PTPRD: variants seen among roughly 807,000 people sequenced by gnomAD.
The protein encoded by PTPRD is protein tyrosine phosphatase receptor type D.
PTPRD carries 34 observed loss-of-function variants against 214.5 expected under a neutral mutation model. The observed-to-expected ratio is 0.16, with a 90% CI of 0.12 to 0.21. PTPRD has a LOEUF of 0.21. PTPRD is among the 10% of genes least tolerant of loss of function. The pLI, the probability that PTPRD is intolerant of heterozygous loss-of-function variation, is 1.00. For missense variants in PTPRD, 2,545 were observed against 2,398.7 expected, an observed-to-expected ratio of 1.06 and a Z score of -1.27; for synonymous variants, 1,128 against 845.7, an observed-to-expected ratio of 1.33 and a Z score of -5.79.
At chr9:8,766,832 G>A (rs375636053) in intron 11 of PTPRD, among the ~76,000 whole-genome samples, 114 of 152,188 alleles carry the variant, frequency 7.5e-4, no homozygotes, top group African/African-American at 2.3e-3. Flanking sequence ...TAGAAGTTTC[G>A]TGATGTGTTT....
At chr9:10,216,794 G>T (rs950373944) in intron 3 of PTPRD, among the ~76,000 whole-genome samples, 1 of 151,998 alleles carries the variant, frequency 6.6e-6, no homozygotes, top group African/African-American at 2.4e-5. Flanking sequence ...TGACATGCAA[G>T]TGCAACACTT....
At position 9,317,662 on chromosome 9, in the gene PTPRD, T is replaced by C. The variant is rs148911764; in HGVS notation, c.-203+79787A>G. Among the ~76,000 whole-genome samples the C allele has an allele frequency of 5.0e-3, 769 of 152,280 alleles. 4 individuals are homozygous for C. Among genetic ancestry groups the C allele is most frequent in the African/African-American group, 0.018 (732 of 41,570 alleles). On this transcript the variant is annotated intron_variant, in intron 9 of 45. Coordinates refer to ENST00000381196, the MANE Select transcript of PTPRD (RefSeq NM_002839.4). ...CTGATGTTATATTTTGAAAAAAATT[T>C]CAGTTTTGATTGTTATTCCATGTTC...
At chr9:8,634,252 AGAT>A (rs958533703) in intron 13 of PTPRD, among the ~76,000 whole-genome samples, 8 of 151,704 alleles carry the variant, frequency 5.3e-5, no homozygotes, top group African/African-American at 1.7e-4. Flanking sequence ...AAAAAAAAAA[AGAT>A]GATGATATTA....
chr9:8,537,751 G>C (rs891573860), intron 14 of PTPRD, among the ~76,000 whole-genome samples: 2 of 151,970 alleles, frequency 1.3e-5, no homozygotes, highest in African/African-American at 4.8e-5. Flanking sequence ...TGAGGAGTTT[G>C]CAAGGTACTC....
intron 7 of PTPRD, among the ~76,000 whole-genome samples, chr9:9,720,471 C>A (rs6477410): frequency 6.6e-6 from 1 of 151,770 alleles, no homozygotes; most frequent in Non-Finnish European, 1.5e-5. Flanking sequence ...GACATGAAGC[C>A]GAAAGTCAGA....
intron 11 of PTPRD, among the ~76,000 whole-genome samples, chr9:8,904,817 C>G (rs939056106): frequency 2.0e-5 from 3 of 152,132 alleles, no homozygotes; most frequent in Admixed American, 1.3e-4. Flanking sequence ...ATTGTACACT[C>G]ATAATGCATG....
intron 6 of PTPRD, among the ~76,000 whole-genome samples, chr9:9,744,855 T>A (rs1025278658): frequency 6.6e-5 from 10 of 152,044 alleles, no homozygotes; most frequent in African/African-American, 2.2e-4. Context: ...GCAATTTTAA[T>A]AATACCAACA....
rs2135634423 is a variant in PTPRD, at chr9:8,389,237, A to G, written c.4381T>C (p.Ser1461Pro). The G allele has an allele frequency of 6.2e-7, 1 of 1,608,424 alleles. No individual in the cohort carries two copies. Among genetic ancestry groups the G allele is most frequent in the Admixed American group, 1.7e-5 (1 of 59,284 alleles). Residue 1461 changes from serine (S) to proline (P), a missense_variant, in exon 37 of 46, where the codon TCA becomes CCA. By Grantham distance (74) the Ser-to-Pro change is moderately conservative. Coordinates refer to ENST00000381196, the MANE Select transcript of PTPRD (RefSeq NM_002839.4). Reference protein sequence around the residue: ...VVMMTKLEERSRVKCDQYWPS... With the variant: ...VVMMTKLEERPRVKCDQYWPS... ...AGGTGGATACTTATTCTTACCCTTG[A>G]TCTTTCTTCTAGTTTTGTCATCATG...
At chr9:8,454,451 G>A (rs1402760092) in intron 33 of PTPRD, 1 of 832,376 alleles carries the variant, frequency 1.2e-6, no homozygotes, top group East Asian at 2.6e-5. Flanking sequence ...TGTAGGCTTT[G>A]CCCATCTTCC....
chr9:8,950,904 T>A (rs571656028), intron 11 of PTPRD, among the ~76,000 whole-genome samples: 1 of 152,134 alleles, frequency 6.6e-6, no homozygotes, highest in Non-Finnish European at 1.5e-5. Flanking sequence ...CCACGGCAAA[T>A]ATACTGTGCA....
intron 2 of PTPRD, among the ~76,000 whole-genome samples, chr9:10,425,114 T>C (rs1160492415): frequency 6.6e-6 from 1 of 152,034 alleles, no homozygotes; most frequent in Non-Finnish European, 1.5e-5. Flanking sequence ...AATAAGAGTC[T>C]TGGTGTTCAT....
rs145811435 is a variant in PTPRD at position 10,068,428 on chromosome 9, C to T, written c.-544-34638G>A. 5.7e-3 allele frequency among the ~76,000 whole-genome samples: 865 copies of T among 151,882 alleles called. 7 individuals are homozygous for T. The highest frequency in any genetic ancestry group is 8.5e-3 in the Non-Finnish European group (576 of 67,912). On this transcript the variant is annotated intron_variant, in intron 3 of 45. Coordinates refer to ENST00000381196, the MANE Select transcript of PTPRD (RefSeq NM_002839.4). ...AAGAAGATATAGAGTGTAAATGATA[C>T]CAGTGATACTCTCCTGGTCCTTTGG...
At chr9:8,792,142 G>A (rs1029038238) in intron 11 of PTPRD, among the ~76,000 whole-genome samples, 5 of 152,272 alleles carry the variant, frequency 3.3e-5, no homozygotes, top group African/African-American at 1.2e-4. Context: ...TATATGCAGA[G>A]GGTAGATTGA....
intron 2 of PTPRD, among the ~76,000 whole-genome samples, chr9:10,384,870 T>C (rs2097887845): frequency 6.6e-6 from 1 of 151,828 alleles, no homozygotes; most frequent in East Asian, 1.9e-4. Context: ...ATTGTTCTTG[T>C]TGTTTCTTAA....
intron 3 of PTPRD, among the ~76,000 whole-genome samples, chr9:10,167,438 T>C (rs935451402): frequency 6.6e-6 from 1 of 152,172 alleles, no homozygotes; most frequent in Admixed American, 6.5e-5. Flanking sequence ...GGATTCAGCA[T>C]ATAAAAACCC....
intron 37 of PTPRD, among the ~76,000 whole-genome samples, chr9:8,377,089 T>A (rs1479318716): frequency 6.6e-6 from 1 of 152,124 alleles, no homozygotes; most frequent in East Asian, 1.9e-4. Flanking sequence ...GATGACACTT[T>A]GTCATTTAAA....
chr9:9,720,977 A>G (rs1045059096), intron 7 of PTPRD, among the ~76,000 whole-genome samples: 23 of 152,174 alleles, frequency 1.5e-4, no homozygotes, highest in African/African-American at 5.5e-4. Context: ...ACTGGAGACT[A>G]TTTGAGGGTG....
At chr9:10,201,164 C>T (rs548938625) in intron 3 of PTPRD, among the ~76,000 whole-genome samples, 2 of 152,056 alleles carry the variant, frequency 1.3e-5, no homozygotes, top group African/African-American at 4.8e-5. Context: ...GAAAACAATA[C>T]ATACTCCAAT....
At chr9:9,902,428 T>G (rs1258315589) in intron 5 of PTPRD, among the ~76,000 whole-genome samples, 1 of 152,282 alleles carries the variant, frequency 6.6e-6, no homozygotes. Flanking sequence ...GCTCTACTTT[T>G]GAATAAATAA....
Sources: gnomAD v4.1 joint callset for allele counts (sites outside exome capture counted in the v4.1 genomes callset) on GRCh38, gnomAD v4.1.1 for gene constraint, MANE v1.5 for transcripts, NCBI Gene and HGNC (gene_info 2026-07-23, HGNC 2026-07-21) for gene names.